SORCS1: variants seen among roughly 807,000 people sequenced by gnomAD.
SORCS1 encodes VPS10 domain-containing receptor SorCS1.
A neutral mutation model predicts 146.1 loss-of-function variants in SORCS1; 60 were observed. The observed-to-expected ratio is 0.41, with a 90% CI of 0.33 to 0.51. The LOEUF (loss-of-function observed/expected upper bound fraction) is 0.51, where lower values mean the gene tolerates loss of function less well. Among genes scored for constraint, SORCS1 ranks in the 20% least tolerant of loss-of-function variants. The pLI is 0.21. For missense variants in SORCS1, 1,352 were observed against 1,487.6 expected (o/e 0.91, Z 1.50); for synonymous variants, 637 against 584.0 (o/e 1.09, Z -1.31).
intron 3 of SORCS1, among the ~76,000 whole-genome samples, chr10:106,799,490 G>T (rs1343147594): frequency 1.3e-5 from 2 of 152,138 alleles, no homozygotes; most frequent in Non-Finnish European, 2.9e-5. Flanking sequence ...ATCTGACAGA[G>T]GGCTAATATC....
At chr10:106,753,989 C>T (rs111718299) in intron 5 of SORCS1, among the ~76,000 whole-genome samples, 7 of 152,220 alleles carry the variant, frequency 4.6e-5, no homozygotes, top group African/African-American at 1.7e-4. Flanking sequence ...TTTATTTCTC[C>T]TCTGAAAAAG....
At position 106,629,223 on chromosome 10, in the gene SORCS1, C is replaced by T. The variant is rs746041232; in HGVS notation, c.2641G>A (p.Val881Ile). Residue 881 changes from valine (V) to isoleucine (I), a missense_variant, in exon 19 of 26, where the codon GTC becomes ATC. Transcript: ENST00000263054. ...VDNSLGSDSA[V>I]LYLHVTCPLE... ...ATACAAGTTACATGTAAGTACAGGA[C>T]GGCGCTGTCAGAACCCAGACTGTTG... 1.1e-5 allele frequency: 18 copies of T among 1,613,724 alleles called. No individual in the cohort carries two copies. Among genetic ancestry groups the T allele is most frequent in the East Asian group, 2.2e-5 (1 of 44,838 alleles).
At chr10:107,123,316 A>T (rs1400338251) in intron 1 of SORCS1, among the ~76,000 whole-genome samples, 1 of 152,258 alleles carries the variant, frequency 6.6e-6, no homozygotes, top group African/African-American at 2.4e-5. Flanking sequence ...TAATAAAGCA[A>T]TATAGAAGAT....
At position 106,612,274 on chromosome 10, in the gene SORCS1, T is replaced by C. The variant is rs1056129916; in HGVS notation, c.2921-251A>G. Reference sequence around the variant, plus strand: ...GAAAGAAGGAAGAAGCTCCCCTGTATAGAGACAGAGGGAGGGGGCTACAAA... The same window carrying C: ...GAAAGAAGGAAGAAGCTCCCCTGTACAGAGACAGAGGGAGGGGGCTACAAA... On this transcript the variant is annotated intron_variant, in intron 21 of 25. Transcript: ENST00000263054. 5.9e-5 allele frequency among the ~76,000 whole-genome samples: 9 copies of C among 151,896 alleles called. No homozygotes were observed. In the South Asian group the frequency reaches 1.7e-3, roughly 28 times the overall value.
At chr10:106,878,649 T>TATATATGTATATATA (rs1491300730) in intron 2 of SORCS1, among the ~76,000 whole-genome samples, 1 of 137,872 alleles carries the variant, frequency 7.3e-6, no homozygotes, top group African/African-American at 2.7e-5. Context: ...TATATATATA[T>TATATATGTATATATA]TTTATAGCAG....
intron 18 of SORCS1, among the ~76,000 whole-genome samples, chr10:106,649,173 C>G (rs1849676282): frequency 6.6e-6 from 1 of 152,204 alleles, no homozygotes; most frequent in African/African-American, 2.4e-5. Context: ...AGAAAGCCGT[C>G]TGTCCTTGCG....
chr10:107,160,196 G>A (rs941613632), intron 1 of SORCS1, among the ~76,000 whole-genome samples: 1 of 152,154 alleles, frequency 6.6e-6, no homozygotes, highest in Non-Finnish European at 1.5e-5. Context: ...CTCAAGATAG[G>A]ATTATCTAAA....
intron 1 of SORCS1, among the ~76,000 whole-genome samples, 164 bp from the exon 2 acceptor site, chr10:106,956,744 T>G (rs76296546): frequency 0.027 from 4,154 of 152,350 alleles, 128 homozygotes; most frequent in African/African-American, 0.077. Flanking sequence ...TGGCTTGTCT[T>G]TCTGCCTTCC....
the SORCS1 span, among the ~76,000 whole-genome samples, chr10:107,173,807 T>A: frequency 1.3e-5 from 2 of 152,210 alleles, no homozygotes; most frequent in Non-Finnish European, 2.9e-5. Context: ...AGAATCCTTT[T>A]CCTATCATAT....
At chr10:106,794,501 C>CTTTTTTTTTTT (rs35647552) in intron 3 of SORCS1, among the ~76,000 whole-genome samples, 12 of 126,052 alleles carry the variant, frequency 9.5e-5, no homozygotes, top group East Asian at 4.3e-4. Flanking sequence ...TTTTCTTTTT[C>CTTTTTTTTTTT]TTTTTTTTTT....
intron 10 of SORCS1, among the ~76,000 whole-genome samples, chr10:106,684,490 T>C (rs1010672387): frequency 3.3e-5 from 5 of 152,192 alleles, no homozygotes; most frequent in Admixed American, 6.5e-5. Flanking sequence ...TCCTGAGGCA[T>C]TGGACGCAGG....
rs182939724 is a variant in SORCS1, at chr10:106,742,217, C to G, written c.960-12103G>C. Among the ~76,000 whole-genome samples the G allele has an allele frequency of 2.2e-3, 340 of 152,274 alleles. 1 individual carries two copies. The highest frequency in any genetic ancestry group is 7.5e-3 in the African/African-American group (312 of 41,550). ...TTAGCAGAGGTTGAGTATCCCTTAT[C>G]TGAAGTACTTGGGACCAGAAGGTTT... On this transcript the variant is annotated intron_variant, in intron 5 of 25. Coordinates refer to ENST00000263054, the MANE Select transcript of SORCS1 (RefSeq NM_052918.5).
At chr10:106,974,750 G>C (rs1030199483) in intron 1 of SORCS1, among the ~76,000 whole-genome samples, 5 of 152,136 alleles carry the variant, frequency 3.3e-5, no homozygotes, top group African/African-American at 1.2e-4. Context: ...AAGGACCCTG[G>C]TACTCTTCTT....
intron 2 of SORCS1, among the ~76,000 whole-genome samples, chr10:106,922,124 C>G (rs1420346532): frequency 1.3e-5 from 2 of 152,180 alleles, no homozygotes; most frequent in South Asian, 2.1e-4. Flanking sequence ...GTGAACAAAG[C>G]TTACATTAGA....
At chr10:106,612,058 CA>C (rs2133421599) in intron 21 of SORCS1, 35 bp from the exon 22 acceptor site, 6 of 1,498,954 alleles carry the variant, frequency 4.0e-6, no homozygotes, top group Non-Finnish European at 4.6e-6. Context: ...TACTATAAGT[CA>C]AATAGTCCTG....
chr10:107,109,518 T>C (rs945237898), intron 1 of SORCS1, among the ~76,000 whole-genome samples: 2 of 152,182 alleles, frequency 1.3e-5, no homozygotes, highest in Admixed American at 1.3e-4. Context: ...GGGAGCAGCA[T>C]CCCAATGGTG....
Position 107,164,396 on chromosome 10 carries a change from C to G in SORCS1, c.131G>C (p.Ser44Thr), listed in dbSNP as rs1190215967. The G allele has an allele frequency of 4.9e-6, 7 of 1,437,228 alleles. No individual in the cohort carries two copies. The highest frequency in any genetic ancestry group is 5.5e-6 in the Non-Finnish European group (6 of 1,100,240). 89.0% of individuals were successfully genotyped at this position (1,437,228 alleles called of 1,614,324 possible). A position where few individuals can be genotyped will look rare whatever the true frequency, so the allele number is the denominator to read the frequency against. The change falls in exon 1 of 26, where the codon AGC (serine) becomes ACC (threonine). Residue 44 changes from serine (S) to threonine (T), a missense_variant. Ser to Thr is a moderately conservative substitution (Grantham distance 58, BLOSUM62 1). Transcript: ENST00000263054. This position sits in a 1 kb window ranked among gnomAD's most constrained non-coding sequence, Gnocchi z 6.8. ...GGSCCPSPHP[S>T]SAPRSASTPR... The stretch of plus-strand genomic sequence containing the variant: ...GGTCGAGGCCGAGCGTGGAGCGGAG[C>G]TGGGGTGCGGCGAGGGGCAGCAGGA...
At chr10:107,134,570 C>A (rs1034962795) in intron 1 of SORCS1, among the ~76,000 whole-genome samples, 1 of 151,982 alleles carries the variant, frequency 6.6e-6, no homozygotes, top group Non-Finnish European at 1.5e-5. Context: ...ACCTGGGAGG[C>A]GGAGGTTGCA....
intron 15 of SORCS1, 96 bp from the exon 16 acceptor site, chr10:106,671,463 G>T: frequency 6.5e-7 from 1 of 1,533,308 alleles, no homozygotes; most frequent in Non-Finnish European, 8.8e-7. Context: ...GCACATCTTA[G>T]TGTAATGTAA....
Sources: allele counts gnomAD v4.1 joint callset (sites outside exome capture counted in the v4.1 genomes callset), GRCh38; gene constraint gnomAD v4.1.1; non-coding constraint Gnocchi (gnomAD v3.1); transcripts MANE v1.5; gene names NCBI Gene and HGNC (gene_info 2026-07-23, HGNC 2026-07-21).